The following IL4I1 variants were observed in gnomAD, a reference collection of about 807,000 sequenced individuals.
IL4I1 encodes L-amino-acid oxidase.
A neutral mutation model predicts 29.7 loss-of-function variants in IL4I1; 24 were observed. That is an observed-to-expected ratio of 0.81 (90% CI 0.59 to 1.14). IL4I1 has a LOEUF of 1.14. Among genes scored for constraint, IL4I1 ranks in the 50% most tolerant of loss-of-function variants. IL4I1 has a pLI of 0.00. For synonymous variants in IL4I1, 371 were observed against 352.5 expected, an observed-to-expected ratio of 1.05 and a Z score of -0.59; for missense variants, 686 against 785.6, an observed-to-expected ratio of 0.87 and a Z score of 1.52.
In IL4I1 at chr19:49,921,900, T is replaced by TCCAGA. The variant is rs2075773606; in HGVS notation, c.-228+5793_-228+5794insTCTGG. ...GAGCTGCCTCCTCTGGACACAGCGG[T>TCCAGA]GGCTCTCACCTCCCTTCCATCTTGG... On this transcript the variant is annotated intron_variant, in intron 2 of 9. Coordinates refer to the IL4I1 transcript ENST00000341114. The surrounding 1 kb of genome is among the most constrained non-coding windows in gnomAD (Gnocchi z 5.4). Among the ~76,000 whole-genome samples, 1 of 152,186 alleles carries TCCAGA rather than the reference T, an allele frequency of 6.6e-6. No homozygotes were observed. The highest frequency in any genetic ancestry group is 6.5e-5 in the Admixed American group (1 of 15,282).
rs558027138 is a variant in IL4I1 at position 49,894,439 on chromosome 19, C to T, written c.396G>A (p.Gly132=). 6.2e-7 allele frequency: 1 copy of T among 1,614,170 alleles called. No individual in the cohort carries two copies. The highest frequency in any genetic ancestry group is 1.1e-5 in the South Asian group (1 of 91,084). Reference sequence around the variant, plus strand: ...ACTGGGTGAACTTGGTCAGGTTGAGCCCCAGGCCCTGGCAGAGCTTGTGGA... The same window carrying T: ...ACTGGGTGAACTTGGTCAGGTTGAGTCCCAGGCCCTGGCAGAGCTTGTGGA... ...RILHKLCQGL[G]LNLTKFTQYD... The change falls in exon 5 of 8, where the codon GGG becomes GGA. Residue 132 remains glycine (G), a synonymous_variant. Coordinates refer to ENST00000391826, the MANE Select transcript of IL4I1 (RefSeq NM_152899.2).
chr19:49,901,776 T>C, upstream of IL4I1: 1 of 1,293,376 alleles, frequency 7.7e-7, no homozygotes, highest in Non-Finnish European at 1.1e-6. Context: ...CCTTGTTAGA[T>C]CAGAGATGCC....
chr19:49,890,461 GA>G lies in IL4I1; in HGVS notation c.912del (p.Pro306ArgfsTer5). ...PHDVHVQIET[S>X]PPARNLKVLK... is the part of the protein sequence containing the mutation. ...AGCACCTTCAGATTCCGCGCCGGGG[GA>G]GAGGTCTCGATCTGCACGTGCACAT... On this transcript the variant is annotated frameshift_variant, in exon 8 of 8. Transcript: ENST00000391826. LOFTEE classifies it low-confidence loss of function (END_TRUNC). 6.2e-7 allele frequency: 1 copy of G among 1,611,974 alleles called. No individual in the cohort carries two copies. Among genetic ancestry groups the G allele is most frequent in the Non-Finnish European group, 8.5e-7 (1 of 1,179,808 alleles).
At chr19:49,901,596 C>T (rs1332327968), upstream of IL4I1, 3 of 1,360,000 alleles carry the variant, frequency 2.2e-6, no homozygotes, top group Non-Finnish European at 3.0e-6. Flanking sequence ...AACCCTCCTT[C>T]CTGTTTCCAG....
upstream of IL4I1, among the ~76,000 whole-genome samples, chr19:49,899,716 C>T (rs941656664): frequency 3.3e-5 from 5 of 152,048 alleles, no homozygotes; most frequent in African/African-American, 9.7e-5. Context: ...GCCACCACGT[C>T]CGGCTAATTT....
intron 1 of IL4I1, among the ~76,000 whole-genome samples, 165 bp from the exon 2 acceptor site, chr19:49,896,347 G>GA (rs1274313140): frequency 1.3e-5 from 2 of 151,290 alleles, no homozygotes; most frequent in Non-Finnish European, 1.5e-5. Flanking sequence ...GAGTCCCCTG[G>GA]ACCGTCCCTG....
In IL4I1 at chr19:49,892,077, C is replaced by CTTT. The variant is rs773013384; in HGVS notation, c.568-607_568-605dup. ...AAGGCCCCTGCTAGCCCCTCAATGTCTTTTTTTTTTTTTTTTTTTTTTGAG... is the reference window on the plus strand; with the variant it reads ...AAGGCCCCTGCTAGCCCCTCAATGTCTTTTTTTTTTTTTTTTTTTTTTTTTGAG... On this transcript the variant is annotated intron_variant, in intron 5 of 7. Transcript: ENST00000391826. 1.3e-3 allele frequency among the ~76,000 whole-genome samples: 157 copies of CTTT among 120,160 alleles called. 3 individuals carry two copies. Among genetic ancestry groups the CTTT allele is most frequent in the African/African-American group, 3.1e-3 (96 of 30,752 alleles). 78.8% of individuals were successfully genotyped at this position (120,160 alleles called of 152,430 possible). A position where few individuals can be genotyped will look rare whatever the true frequency, so the allele number is the denominator to read the frequency against.
chr19:49,903,111 T>G (rs952333321), intron 3 of IL4I1, among the ~76,000 whole-genome samples: 2 of 151,446 alleles, frequency 1.3e-5, no homozygotes, highest in East Asian at 1.9e-4. Flanking sequence ...CAGGACTCTC[T>G]GAAAAAAAAA....
intron 3 of IL4I1, 21 bp downstream of exon 3, chr19:49,895,794 A>T (rs898809606): frequency 1.2e-6 from 2 of 1,603,202 alleles, no homozygotes; most frequent in Non-Finnish European, 1.7e-6. Flanking sequence ...CTCCAGGTAG[A>T]CTGCAAGCAG....
chr19:49,926,491 C>CT (rs2075893523), intron 2 of IL4I1, among the ~76,000 whole-genome samples: 1 of 152,124 alleles, frequency 6.6e-6, no homozygotes, highest in African/African-American at 2.4e-5. Flanking sequence ...GATCATGCCA[C>CT]TGCACTCCAG....
intron 2 of IL4I1, among the ~76,000 whole-genome samples, chr19:49,925,224 G>C (rs998526424): frequency 1.3e-5 from 2 of 152,030 alleles, no homozygotes; most frequent in African/African-American, 4.8e-5. Flanking sequence ...TGGCACCATT[G>C]CACTCCAGCC....
In IL4I1 at chr19:49,895,875, C is replaced by A; in HGVS notation, c.192G>T (p.Val64=). ...CCAGCCCGGCCACACCAGCGCCAAC[C>A]ACAATCACCCTCTGGGGCTTCAGGG... ...NRTLKPQRVI[V]VGAGVAGLVA... Residue 64 remains valine, a synonymous_variant, in exon 3 of 8, where the codon GTG becomes GTT. Coordinates refer to ENST00000391826, the MANE Select transcript of IL4I1 (RefSeq NM_152899.2). 1 of 1,614,210 alleles carries A rather than the reference C, an allele frequency of 6.2e-7. No individual in the cohort carries two copies. Among genetic ancestry groups the A allele is most frequent in the Non-Finnish European group, 8.5e-7 (1 of 1,180,036 alleles).
rs768142263 is a variant in IL4I1, at chr19:49,894,321, G to A, written c.514C>T (p.Pro172Ser). ...VPEKLGYALR[P>S]QEKGHSPEDI... is the part of the protein sequence containing the mutation. ...TCGGGCGAGTGGCCCTTTTCCTGGG[G>A]ACGCAAGGCGTAGCCCAGCTTCTCG... The change falls in exon 5 of 8, where the codon CCC (proline) becomes TCC (serine). Residue 172 changes from proline to serine, a missense_variant. Pro to Ser is a moderately conservative substitution (Grantham distance 74). Coordinates refer to ENST00000391826, the MANE Select transcript of IL4I1 (RefSeq NM_152899.2). 6.8e-6 allele frequency: 11 copies of A among 1,614,116 alleles called. No homozygotes were observed. In the South Asian group the frequency reaches 1.1e-4, roughly 16 times the overall value.
intron 1 of IL4I1, 78 bp downstream of exon 1, chr19:49,896,757 C>T: frequency 2.2e-6 from 2 of 896,262 alleles, no homozygotes; most frequent in Non-Finnish European, 2.7e-6. Flanking sequence ...CCTCATCTCC[C>T]CAGCTCCTGA....
intron 2 of IL4I1, among the ~76,000 whole-genome samples, chr19:49,912,034 A>G (rs897197176): frequency 2.6e-5 from 4 of 152,258 alleles, no homozygotes; most frequent in African/African-American, 9.6e-5. Context: ...ACTCAGCTTA[A>G]AAAAGCTTTT....
chr19:49,918,856 G>A (rs1044283189), intron 2 of IL4I1, among the ~76,000 whole-genome samples: 35 of 148,178 alleles, frequency 2.4e-4, no homozygotes, highest in Non-Finnish European at 4.3e-4. Context: ...TAGGCCGGGC[G>A]CAGTGGCTCA....
Position 49,889,742 on chromosome 19 carries a change from T to C in IL4I1, c.1632A>G (p.Glu544=). The C allele has an allele frequency of 6.6e-7, 1 of 1,517,450 alleles. No individual in the cohort carries two copies. The highest frequency in any genetic ancestry group is 1.3e-5 in the South Asian group (1 of 75,706). 94.0% of individuals were successfully genotyped at this position (1,517,450 alleles called of 1,614,324 possible). The change falls in exon 8 of 8, where the codon GAA becomes GAG. Residue 544 remains glutamate, a synonymous_variant. Transcript: ENST00000391826. ...CTTGGACTGGAGGGTGGCTGCCTTC[T>C]TCCTTTGCCAGGTCATGCGAGGGGC... ...ASSPSHDLAK[E]EGSHPPVQGQ... is the part of the protein sequence containing the mutation.
At chr19:49,923,204 C>A (rs1351340338) in intron 2 of IL4I1, among the ~76,000 whole-genome samples, 1 of 152,200 alleles carries the variant, frequency 6.6e-6, no homozygotes, top group Admixed American at 6.5e-5. Context: ...CCGCGTCATC[C>A]TCTCCCCAAC....
chr19:49,902,803 C>T lies in IL4I1; in HGVS notation c.-104-982G>A, dbSNP rs185480818. ...TGAGATCATGCCACTCCAGCCTAGG[C>T]GACAGAGCGGGACTGCATCTCAAAA... On this transcript the variant is annotated intron_variant, in intron 3 of 9. Coordinates refer to the IL4I1 transcript ENST00000341114. Among the ~76,000 whole-genome samples, 33 of 150,242 alleles carry T rather than the reference C, an allele frequency of 2.2e-4. No homozygotes were observed. In the East Asian group the frequency reaches 6.5e-3, roughly 30 times the overall value.
Sources: gnomAD v4.1 joint callset for allele counts (sites outside exome capture counted in the v4.1 genomes callset) on GRCh38, gnomAD v4.1.1 for gene constraint, Gnocchi (gnomAD v3.1) non-coding constraint, MANE v1.5 for transcripts, NCBI Gene and HGNC (gene_info 2026-07-23, HGNC 2026-07-21) for gene names.